PRDM13: variants seen among roughly 807,000 people sequenced by gnomAD.
PRDM13 encodes PR domain zinc finger protein 13.
A neutral mutation model predicts 36.4 loss-of-function variants in PRDM13; 15 were observed. The observed-to-expected ratio is 0.41, with a 90% CI of 0.28 to 0.64. PRDM13 has a LOEUF of 0.64. Ranked by LOEUF, PRDM13 falls within the 30% of genes least tolerant of loss-of-function variation. The probability of loss-of-function intolerance (pLI) is 0.29; values close to 1 mark genes in which losing one functional copy is unlikely to be tolerated. For synonymous variants in PRDM13, 531 were observed against 467.7 expected, an observed-to-expected ratio of 1.14 and a Z score of -1.75; for missense variants, 1,044 against 1,013.5, an observed-to-expected ratio of 1.03 and a Z score of -0.41.
intron 1 of PRDM13, among the ~76,000 whole-genome samples, chr6:99,607,921 C>T (rs1006579201): frequency 6.6e-6 from 1 of 152,228 alleles, no homozygotes; most frequent in Non-Finnish European, 1.5e-5. Context: ...CGACCCCTGA[C>T]CAGAGAGACT....
rs1215967485 is a variant in PRDM13 at position 99,613,574 on chromosome 6, G to C, written c.939G>C (p.Arg313=). The change falls in exon 4 of 4, where the codon CGG becomes CGC. Residue 313 remains arginine, a synonymous_variant. Transcript: ENST00000369215. This position sits in a 1 kb window ranked among gnomAD's most constrained non-coding sequence, Gnocchi z 6.1. ...AAAAAHGDPY[R]EESSSKQGAG... is the part of the protein sequence containing the mutation. ...CGGCCGCTCACGGCGACCCCTACCGGGAGGAGAGCAGCAGCAAGCAAGGAG... is the reference window on the plus strand; with the variant it reads ...CGGCCGCTCACGGCGACCCCTACCGCGAGGAGAGCAGCAGCAAGCAAGGAG... The C allele has an allele frequency of 1.2e-5, 18 of 1,506,192 alleles. No homozygotes were observed. The highest frequency in any genetic ancestry group is 1.4e-5 in the Non-Finnish European group (16 of 1,136,888). The allele number at this position is 1,506,192 out of a possible 1,614,324, so 93.3% of individuals were successfully genotyped here. A position where few individuals can be genotyped will look rare whatever the true frequency, so the allele number is the denominator to read the frequency against.
At position 99,614,626 on chromosome 6, in the gene PRDM13, A is replaced by G; in HGVS notation, c.1991A>G (p.Asp664Gly). Residue 664 changes from aspartate (D) to glycine (G), a missense_variant, in exon 4 of 4, where the codon GAC (aspartate) becomes GGC (glycine). Coordinates refer to ENST00000369215, the MANE Select transcript of PRDM13 (RefSeq NM_021620.4). ...PGQSLLAKAGDGPGAEPGYPP... is the reference protein window; with the variant it reads ...PGQSLLAKAGGGPGAEPGYPP... ...CAGAGTCTGCTCGCCAAAGCGGGCGACGGCCCGGGTGCCGAGCCCGGCTAT... is the reference window on the plus strand; with the variant it reads ...CAGAGTCTGCTCGCCAAAGCGGGCGGCGGCCCGGGTGCCGAGCCCGGCTAT... 1.2e-6 allele frequency: 2 copies of G among 1,612,462 alleles called. No individual in the cohort carries two copies. The highest frequency in any genetic ancestry group is 1.1e-5 in the South Asian group (1 of 91,044).
intron 1 of PRDM13, among the ~76,000 whole-genome samples, chr6:99,608,168 C>T (rs934185666): frequency 1.3e-5 from 2 of 152,194 alleles, no homozygotes; most frequent in Non-Finnish European, 2.9e-5. Flanking sequence ...GTGCCCACCG[C>T]GCATTCCTCT....
intron 3 of PRDM13, among the ~76,000 whole-genome samples, chr6:99,609,576 C>T (rs1562507868): frequency 6.6e-6 from 1 of 152,170 alleles, no homozygotes; most frequent in East Asian, 1.9e-4. Context: ...TTCAAACAGA[C>T]CATTATTTAC....
rs774514697 is a variant in PRDM13, at chr6:99,614,657, G to A, written c.2022G>A (p.Pro674=). 8.1e-6 allele frequency: 13 copies of A among 1,612,098 alleles called. No homozygotes were observed. The highest frequency in any genetic ancestry group is 5.3e-5 in the African/African-American group (4 of 74,924). The change falls in exon 4 of 4, where the codon CCG becomes CCA. Residue 674 remains proline (P), a synonymous_variant. Transcript: ENST00000369215. ...CGGGTGCCGAGCCCGGCTATCCCCC[G>A]GAGCCTGGGGATCCCAAGAGCGACG... ...DGPGAEPGYP[P]EPGDPKSDDS... is the part of the protein sequence containing the mutation.
At position 99,615,030 on chromosome 6, in the gene PRDM13, C is replaced by T; in HGVS notation, c.*271C>T. On this transcript the variant is annotated 3_prime_UTR_variant, in exon 4 of 4. Transcript: ENST00000369215. ...CGGGCCTCTGGACTTCTTGGATGAG[C>T]TCACCCTGAACCGCCCAGGCGGTCT... 1 of 525,076 alleles carries T rather than the reference C, an allele frequency of 1.9e-6. No individual in the cohort carries two copies. Among genetic ancestry groups the T allele is most frequent in the Non-Finnish European group, 3.3e-6 (1 of 303,072 alleles). 32.5% of individuals were successfully genotyped at this position (525,076 alleles called of 1,614,324 possible).
intron 1 of PRDM13, among the ~76,000 whole-genome samples, chr6:99,607,435 G>C (rs1769964110): frequency 6.6e-6 from 1 of 152,110 alleles, no homozygotes; most frequent in African/African-American, 2.4e-5. Flanking sequence ...GTAGGTGCCG[G>C]GACCATTCGC....
At position 99,615,407 on chromosome 6, in the gene PRDM13, G is replaced by C. The variant is rs1770116491; in HGVS notation, c.*648G>C. Reference sequence around the variant, plus strand: ...TAAAATATCTAAAGCATGAATCTAAGAGCACGCAATATATAATTTTAAAGA... The same window carrying C: ...TAAAATATCTAAAGCATGAATCTAACAGCACGCAATATATAATTTTAAAGA... On this transcript the variant is annotated 3_prime_UTR_variant, in exon 4 of 4. Coordinates refer to ENST00000369215, the MANE Select transcript of PRDM13 (RefSeq NM_021620.4). The C allele has an allele frequency of 2.0e-5, 3 of 152,694 alleles. No individual in the cohort carries two copies. In the South Asian group the frequency reaches 6.2e-4, roughly 32 times the overall value. 9.5% of individuals were successfully genotyped at this position (152,694 alleles called of 1,614,324 possible).
rs375253385 is a variant in PRDM13, at chr6:99,613,277, C to A, written c.642C>A (p.Gly214=). ...QAGTLRPHPL[G]PPPVQACGAR... ...GAACTTTGCGACCCCACCCCCTGGG[C>A]CCGCCACCAGTTCAGGCCTGCGGTG... The change falls in exon 4 of 4, where the codon GGC becomes GGA. Residue 214 remains glycine (G), a synonymous_variant. Coordinates refer to ENST00000369215, the MANE Select transcript of PRDM13 (RefSeq NM_021620.4). This position sits in a 1 kb window ranked among gnomAD's most constrained non-coding sequence, Gnocchi z 6.1. 3.2e-3 allele frequency: 5,136 copies of A among 1,593,654 alleles called. 15 individuals are homozygous for A. Among genetic ancestry groups the A allele is most frequent in the Non-Finnish European group, 3.5e-3 (4,070 of 1,171,602 alleles).
At chr6:99,608,598 C>A in intron 1 of PRDM13, 143 bp from the exon 2 acceptor site, 1 of 1,107,416 alleles carries the variant, frequency 9.0e-7, no homozygotes, top group South Asian at 2.0e-5. Context: ...AAGGAATTCT[C>A]CTCCTCCCAG....
rs1299593168 is a variant in PRDM13, at chr6:99,607,041, G to C, written c.7G>C (p.Gly3Arg). Reference sequence around the variant, plus strand: ...CCTGGTGGCGGCGGCAACAATGCACGGAGCCGCCAGAGCGCCAGCCACCAG... The same window carrying C: ...CCTGGTGGCGGCGGCAACAATGCACCGAGCCGCCAGAGCGCCAGCCACCAG... MH[G>R]AARAPATSVS... is the part of the protein sequence containing the mutation. The change falls in exon 1 of 4, where the codon GGA (glycine) becomes CGA (arginine). Residue 3 changes from glycine to arginine, a missense_variant. Physicochemically the swap from Gly to Arg is moderately radical, Grantham distance 125 (BLOSUM62 -2). Around this residue, in one of 3 missense-constraint regions of PRDM13, gnomAD observed 921 missense variants for 865.2 expected, o/e 1.06. Coordinates refer to ENST00000369215, the MANE Select transcript of PRDM13 (RefSeq NM_021620.4). The C allele has an allele frequency of 1.6e-5, 26 of 1,609,588 alleles. No individual in the cohort carries two copies. Among genetic ancestry groups the C allele is most frequent in the Admixed American group, 1.0e-4 (6 of 59,744 alleles).
Position 99,613,943 on chromosome 6 carries a change from G to C in PRDM13, c.1308G>C (p.Leu436=), listed in dbSNP as rs753704639. ...GGTTGCCCCTCGAGCGCTGCGCGCT[G>C]CCGCCCCTCGACCCGGGCGGTCTCA... ...APGLPLERCA[L]PPLDPGGLKA... is the part of the protein sequence containing the mutation. The change falls in exon 4 of 4, where the codon CTG becomes CTC. Residue 436 remains leucine, a synonymous_variant. Transcript: ENST00000369215. The surrounding 1 kb of genome is among the most constrained non-coding windows in gnomAD (Gnocchi z 6.1). 1.9e-6 allele frequency: 3 copies of C among 1,588,960 alleles called. No individual in the cohort carries two copies. Among genetic ancestry groups the C allele is most frequent in the Non-Finnish European group, 2.6e-6 (3 of 1,171,652 alleles).
At chr6:99,611,866 T>C (rs1032966255) in intron 3 of PRDM13, among the ~76,000 whole-genome samples, 2 of 152,202 alleles carry the variant, frequency 1.3e-5, no homozygotes, top group African/African-American at 4.8e-5. Context: ...TTCAGTATTA[T>C]CAATCAACCA....
In PRDM13 at chr6:99,614,056, C is replaced by G. The variant is rs771414811; in HGVS notation, c.1421C>G (p.Pro474Arg). ...AACGGGGAGCTGCTCTACGGCTCAC[C>G]GGCCACCACCGCTTATTACCCGCTC... ...VYNGELLYGS[P>R]ATTAYYPLKL... Residue 474 changes from proline (P) to arginine (R), a missense_variant, in exon 4 of 4, where the codon CCG becomes CGG. Transcript: ENST00000369215. 1.2e-6 allele frequency: 2 copies of G among 1,606,584 alleles called. No individual in the cohort carries two copies. Among genetic ancestry groups the G allele is most frequent in the Non-Finnish European group, 8.5e-7 (1 of 1,177,558 alleles).
In PRDM13 at chr6:99,613,743, G is replaced by A. The variant is rs1179500912; in HGVS notation, c.1108G>A (p.Gly370Arg). ...CCACCATCCCAAGTGCCTGCTCGCT[G>A]GGGACCCGCCGCCGCCGCCGCCGCC... Reference protein sequence around the residue: ...HHHHPKCLLAGDPPPPPPPGL... With the variant: ...HHHHPKCLLARDPPPPPPPGL... Residue 370 changes from glycine to arginine, a missense_variant, in exon 4 of 4, where the codon GGG (glycine) becomes AGG (arginine). Gly to Arg is a moderately radical substitution (Grantham distance 125). Coordinates refer to ENST00000369215, the MANE Select transcript of PRDM13 (RefSeq NM_021620.4). The surrounding 1 kb of genome is among the most constrained non-coding windows in gnomAD (Gnocchi z 6.1). The A allele has an allele frequency of 2.0e-6, 3 of 1,480,950 alleles. No individual in the cohort carries two copies. The highest frequency in any genetic ancestry group is 2.7e-6 in the Non-Finnish European group (3 of 1,123,904). 91.7% of individuals were successfully genotyped at this position (1,480,950 alleles called of 1,614,324 possible).
rs1165359514 is a variant in PRDM13 at position 99,613,691 on chromosome 6, C to T, written c.1056C>T (p.His352=). ...ACTCGGCGGCGGGCGGCGCGGGTCA[C>T]CACCATCACCACCACGCGCACCACC... ...GENSAAGGAG[H]HHHHHAHHHH... Residue 352 remains histidine (H), a synonymous_variant, in exon 4 of 4, where the codon CAC becomes CAT. Coordinates refer to ENST00000369215, the MANE Select transcript of PRDM13 (RefSeq NM_021620.4). The surrounding 1 kb of genome is among the most constrained non-coding windows in gnomAD (Gnocchi z 6.1). 6 of 1,460,526 alleles carry T rather than the reference C, an allele frequency of 4.1e-6. No homozygotes were observed. Among genetic ancestry groups the T allele is most frequent in the Non-Finnish European group, 5.4e-6 (6 of 1,117,610 alleles). The allele number at this position is 1,460,526 out of a possible 1,614,324, so 90.5% of individuals were successfully genotyped here. A position where few individuals can be genotyped will look rare whatever the true frequency, so the allele number is the denominator to read the frequency against.
chr6:99,607,252 A>G, intron 1 of PRDM13, 74 bp downstream of exon 1: 1 of 1,573,412 alleles, frequency 6.4e-7, no homozygotes, highest in Non-Finnish European at 8.6e-7. Context: ...GGTACGAGAG[A>G]AAGTGGAGGA....
At chr6:99,612,796 A>G (rs1322533460) in intron 3 of PRDM13, among the ~76,000 whole-genome samples, 1 of 152,160 alleles carries the variant, frequency 6.6e-6, no homozygotes, top group Non-Finnish European at 1.5e-5. Flanking sequence ...CTTCGTTGGA[A>G]AGGCCCCGTC....
In PRDM13 at chr6:99,613,708, C is replaced by G; in HGVS notation, c.1073C>G (p.Ala358Gly). Residue 358 changes from alanine to glycine, a missense_variant, in exon 4 of 4, where the codon GCG (alanine) becomes GGG (glycine). By Grantham distance (60) the Ala-to-Gly change is moderately conservative. Transcript: ENST00000369215. The surrounding 1 kb of genome is among the most constrained non-coding windows in gnomAD (Gnocchi z 6.1). ...GGAGHHHHHH[A>G]HHHHHPKCLL... is the part of the protein sequence containing the mutation. ...GCGGGTCACCACCATCACCACCACG[C>G]GCACCACCACCACCATCCCAAGTGC... The G allele has an allele frequency of 6.7e-7, 1 of 1,482,022 alleles. No homozygotes were observed. Among genetic ancestry groups the G allele is most frequent in the East Asian group, 2.9e-5 (1 of 34,870 alleles). 91.8% of individuals were successfully genotyped at this position (1,482,022 alleles called of 1,614,324 possible).
Sources: allele counts gnomAD v4.1 joint callset (sites outside exome capture counted in the v4.1 genomes callset), GRCh38; gene constraint gnomAD v4.1.1; regional missense constraint gnomAD v4.1.1; non-coding constraint Gnocchi (gnomAD v3.1); transcripts MANE v1.5; gene names NCBI Gene and HGNC (gene_info 2026-07-23, HGNC 2026-07-21).